The following RPS6KA3 variants were observed in gnomAD, a reference collection of about 807,000 sequenced individuals.
The protein encoded by RPS6KA3 is ribosomal protein S6 kinase alpha-3.
In RPS6KA3, 4 loss-of-function variants were observed where a neutral mutation model predicts 67.2. The ratio of observed to expected loss-of-function variants is 0.06; its 90% CI spans 0.03 to 0.14. RPS6KA3 has a LOEUF of 0.14. Among genes scored for constraint, RPS6KA3 ranks in the 10% least tolerant of loss-of-function variants. RPS6KA3 has a pLI of 1.00. For missense variants in RPS6KA3, 204 were observed against 559.0 expected, an observed-to-expected ratio of 0.36 and a Z score of 6.40; for synonymous variants, 182 against 183.7, an observed-to-expected ratio of 0.99 and a Z score of 0.07.
intron 7 of RPS6KA3, among the ~76,000 whole-genome samples, chrX:20,188,886 A>C (rs931312105): frequency 8.9e-6 from 1 of 112,555 alleles, no homozygotes; most frequent in African/African-American, 3.2e-5. Flanking sequence ...GAGGGTCCAC[A>C]CATTTAATTC....
chrX:20,240,286 T>A (rs1157812990), intron 1 of RPS6KA3, among the ~76,000 whole-genome samples: 2 of 42,006 alleles, frequency 4.8e-5, no homozygotes, highest in Non-Finnish European at 7.0e-5. Context: ...AGGACCATAC[T>A]TTTTTTTTTT....
At chrX:20,168,399 T>C (rs1166804443) in intron 16 of RPS6KA3, among the ~76,000 whole-genome samples, 2 of 111,382 alleles carry the variant, frequency 1.8e-5, no homozygotes, top group African/African-American at 6.5e-5. Flanking sequence ...CATAACAGCA[T>C]GGAAAATGAG....
chrX:20,169,956 A>G (rs1209625579), intron 15 of RPS6KA3, among the ~76,000 whole-genome samples: 1 of 112,357 alleles, frequency 8.9e-6, no homozygotes, highest in Admixed American at 9.5e-5. Context: ...CTTTAATAAA[A>G]TGCTTCAATT....
chrX:20,173,253 A>G (rs1297789860), intron 14 of RPS6KA3, among the ~76,000 whole-genome samples: 1 of 111,899 alleles, frequency 8.9e-6, no homozygotes, highest in Non-Finnish European at 1.9e-5. Context: ...GAAGGAAAGG[A>G]TTTAGGAGGA....
At chrX:20,190,585 T>C (rs190311068) in intron 7 of RPS6KA3, among the ~76,000 whole-genome samples, 67 of 111,844 alleles carry the variant, frequency 6.0e-4, no homozygotes, top group African/African-American at 2.1e-3. Flanking sequence ...TTATGAATGT[T>C]TAATCTTATG....
chrX:20,244,681 T>C lies in RPS6KA3; in HGVS notation c.70-9867A>G, dbSNP rs1021798814. Among the ~76,000 whole-genome samples, 3 of 112,695 alleles carry C rather than the reference T, an allele frequency of 2.7e-5. No homozygotes were observed. The East Asian group carries it at 8.3e-4, about 31-fold the overall frequency. On this transcript the variant is annotated intron_variant, in intron 1 of 21. Transcript: ENST00000379565. ...AAATACAAAGCTCCTACTACTTACATAGAAATGCTGTTATACTGCTGTTAG... is the reference window on the plus strand; with the variant it reads ...AAATACAAAGCTCCTACTACTTACACAGAAATGCTGTTATACTGCTGTTAG...
Position 20,194,271 on chromosome X carries a change from G to A in RPS6KA3, c.407-3C>T. 2 of 1,157,611 alleles carry A rather than the reference G, an allele frequency of 1.7e-6. No individual in the cohort carries two copies. Among genetic ancestry groups the A allele is most frequent in the Non-Finnish European group, 2.4e-6 (2 of 848,192 alleles). The stretch of plus-strand genomic sequence containing the variant: ...CAACTTCCCTTCAGTTTGAAAAGCT[G>A]AATGAAGAAATGAAAATTTTCATTT... On this transcript the variant is annotated splice_polypyrimidine_tract_variant and splice_region_variant and intron_variant, in intron 5 of 21. Coordinates refer to ENST00000379565, the MANE Select transcript of RPS6KA3 (RefSeq NM_004586.3).
chrX:20,252,167 C>T (rs1481358647), intron 1 of RPS6KA3, among the ~76,000 whole-genome samples: 1 of 111,785 alleles, frequency 8.9e-6, no homozygotes, highest in African/African-American at 3.3e-5. Flanking sequence ...CTTATGGCTT[C>T]CATTTCTTTT....
chrX:20,220,863 G>A (rs2068971622), intron 2 of RPS6KA3, among the ~76,000 whole-genome samples: 1 of 111,791 alleles, frequency 8.9e-6, no homozygotes, highest in Admixed American at 9.5e-5. Flanking sequence ...GTACATCAGA[G>A]GGAGATGTTA....
At chrX:20,210,387 T>C (rs1183539477) in intron 2 of RPS6KA3, among the ~76,000 whole-genome samples, 1 of 112,289 alleles carries the variant, frequency 8.9e-6, no homozygotes, top group Non-Finnish European at 1.9e-5. Context: ...GCGTAAGTAC[T>C]GTTAGTAGAA....
rs2069643803 is a variant in RPS6KA3 at position 20,244,866 on chromosome X, T to C, written c.70-10052A>G. Among the ~76,000 whole-genome samples the C allele has an allele frequency of 2.7e-5, 3 of 112,315 alleles. No individual in the cohort carries two copies. The Admixed American group carries it at 2.8e-4, about 11-fold the overall frequency. ...AGGTTATGGTTCATTTTTCTATCAT[T>C]GATCAGATAAAATACTTCAAATTAC... On this transcript the variant is annotated intron_variant, in intron 1 of 21. Coordinates refer to ENST00000379565, the MANE Select transcript of RPS6KA3 (RefSeq NM_004586.3).
At chrX:20,247,610 C>A (rs2069728613) in intron 1 of RPS6KA3, among the ~76,000 whole-genome samples, 1 of 109,418 alleles carries the variant, frequency 9.1e-6, no homozygotes, top group Admixed American at 9.7e-5. Flanking sequence ...CACGGTGAAA[C>A]CCCGTCTCTA....
chrX:20,192,158 GA>G (rs890063960), intron 7 of RPS6KA3, among the ~76,000 whole-genome samples: 23 of 105,760 alleles, frequency 2.2e-4, no homozygotes, highest in Non-Finnish European at 4.1e-4. Context: ...CTTATAAAAG[GA>G]AAAAAAAAAC....
At chrX:20,225,255 GTT>G (rs1171338918) in intron 2 of RPS6KA3, among the ~76,000 whole-genome samples, 17 of 69,691 alleles carry the variant, frequency 2.4e-4, no homozygotes, top group Non-Finnish European at 2.6e-4. Context: ...TTTTTTTTTT[GTT>G]TTTTTTTTTT....
At chrX:20,193,644 A>G in intron 6 of RPS6KA3, 51 bp from the exon 7 acceptor site, 1 of 796,112 alleles carries the variant, frequency 1.3e-6, no homozygotes, top group Non-Finnish European at 1.8e-6. Context: ...TGTGTCTGTA[A>G]TTTTTAAAGT....
At position 20,162,492 on chromosome X, in the gene RPS6KA3, TATTAG is replaced by T. The variant is rs777364786; in HGVS notation, c.1841+467_1841+471del. ...TGTGGAATTGTTACAGAATTGTATA[TATTAG>T]ATAACACGAGAAAACATGGAAAGAT... On this transcript the variant is annotated intron_variant, in intron 19 of 21. Transcript: ENST00000379565. 7.7e-4 allele frequency among the ~76,000 whole-genome samples: 84 copies of T among 108,695 alleles called. 1 individual carries two copies. The highest frequency in any genetic ancestry group is 2.8e-3 in the African/African-American group (83 of 29,827). 94.4% of individuals were successfully genotyped at this position (108,695 alleles called of 115,157 possible). A position where few individuals can be genotyped will look rare whatever the true frequency, so the allele number is the denominator to read the frequency against.
Position 20,193,543 on chromosome X carries a change from A to G in RPS6KA3, c.537T>C (p.Leu179=). 1 of 1,201,455 alleles carries G rather than the reference A, an allele frequency of 8.3e-7. No homozygotes were observed. Among genetic ancestry groups the G allele is most frequent in the South Asian group, 1.8e-5 (1 of 56,545 alleles). The change falls in exon 7 of 22, where the codon CTT becomes CTC. Residue 179 remains leucine, a synonymous_variant. Transcript: ENST00000379565. ...CCAGGCTATGTAGATGGTCTAAAGC[A>G]AGTGCAAGTTCAGCCAAGTAGAATT... ...DVKFYLAELA[L]ALDHLHSLGI...
At chrX:20,172,901 C>A (rs1489025466) in intron 14 of RPS6KA3, 30 bp from the exon 15 acceptor site, 6 of 1,181,500 alleles carry the variant, frequency 5.1e-6, no homozygotes, top group Non-Finnish European at 6.9e-6. Flanking sequence ...GGTGAAGAGT[C>A]CCATAATGCC....
chrX:20,155,914 A>G (rs1430272119), intron 21 of RPS6KA3, among the ~76,000 whole-genome samples, 195 bp downstream of exon 21: 1 of 112,490 alleles, frequency 8.9e-6, no homozygotes, highest in African/African-American at 3.2e-5. Flanking sequence ...GAGGAATTCA[A>G]AAGTCGCTCT....
Sources: allele counts gnomAD v4.1 joint callset (sites outside exome capture counted in the v4.1 genomes callset), GRCh38; gene constraint gnomAD v4.1.1; transcripts MANE v1.5; gene names NCBI Gene and HGNC (gene_info 2026-07-23, HGNC 2026-07-21).